Variants in DOK6 observed in about 807,000 individuals in gnomAD.
DOK6 encodes the protein docking protein 6.
Under a neutral mutation model 44.0 loss-of-function variants are expected in DOK6, and 22 were observed. The observed-to-expected ratio is 0.50, with a 90% confidence interval of 0.36 to 0.71. The LOEUF (loss-of-function observed/expected upper bound fraction) is 0.71, where lower values mean the gene tolerates loss of function less well. Ranked by LOEUF, DOK6 falls within the 30% of genes least tolerant of loss-of-function variation. The probability of loss-of-function intolerance (pLI) is 0.00; values close to 1 mark genes in which losing one functional copy is unlikely to be tolerated. For synonymous variants in DOK6, 166 were observed against 145.5 expected, an observed-to-expected ratio of 1.14 and a Z score of -1.01; for missense variants, 340 against 416.4, an observed-to-expected ratio of 0.82 and a Z score of 1.60.
At chr18:69,588,719 A>G (rs1983560476) in intron 2 of DOK6, among the ~76,000 whole-genome samples, 1 of 152,118 alleles carries the variant, frequency 6.6e-6, no homozygotes, top group South Asian at 2.1e-4. Context: ...GGTAAGAGTG[A>G]AGGAATTGGA....
intron 3 of DOK6, among the ~76,000 whole-genome samples, chr18:69,610,518 A>G (rs1454891084): frequency 6.6e-6 from 1 of 152,234 alleles, no homozygotes; most frequent in African/African-American, 2.4e-5. Context: ...TGCAATCACT[A>G]GAAAGAATTC....
At chr18:69,729,197 A>G (rs1314124814) in intron 5 of DOK6, among the ~76,000 whole-genome samples, 1 of 152,236 alleles carries the variant, frequency 6.6e-6, no homozygotes, top group East Asian at 1.9e-4. Context: ...ACAGACATAC[A>G]TACACATACA....
rs113064697 is a variant in DOK6 at position 69,712,213 on chromosome 18, A to G, written c.599+13620A>G. Among the ~76,000 whole-genome samples, 708 of 130,724 alleles carry G rather than the reference A, an allele frequency of 5.4e-3. 4 individuals are homozygous for G. The highest frequency in any genetic ancestry group is 0.017 in the African/African-American group (609 of 35,166). The allele number at this position is 130,724 out of a possible 152,430, so 85.8% of individuals were successfully genotyped here. On this transcript the variant is annotated intron_variant, in intron 5 of 7. Coordinates refer to ENST00000382713, the MANE Select transcript of DOK6 (RefSeq NM_152721.6). ...GGAGAATGGCGTGAATCCGGGAGGC[A>G]GAGCTTGCAGTGAGCCGAGATCCCG...
At chr18:69,636,913 G>A (rs562432200) in intron 3 of DOK6, among the ~76,000 whole-genome samples, 1 of 152,344 alleles carries the variant, frequency 6.6e-6, no homozygotes, top group East Asian at 1.9e-4. Context: ...TGGGAAGTGA[G>A]GGTCTAAGTA....
chr18:69,498,478 CA>C (rs1980957095), intron 1 of DOK6, among the ~76,000 whole-genome samples: 1 of 151,890 alleles, frequency 6.6e-6, no homozygotes, highest in Admixed American at 6.6e-5. Context: ...TAAGGAATAC[CA>C]AATGATATTT....
intron 6 of DOK6, among the ~76,000 whole-genome samples, chr18:69,754,351 C>CAAAAA (rs34141961): frequency 2.2e-4 from 27 of 121,438 alleles, no homozygotes; most frequent in African/African-American, 8.4e-4. Context: ...ACCCTATCTC[C>CAAAAA]AAAAAAAAAA....
At chr18:69,602,273 C>T (rs1983891098) in intron 3 of DOK6, among the ~76,000 whole-genome samples, 1 of 152,130 alleles carries the variant, frequency 6.6e-6, no homozygotes, top group Non-Finnish European at 1.5e-5. Flanking sequence ...TAGACTCTAC[C>T]CTTGATATGA....
In DOK6 at chr18:69,844,361, C is replaced by G. The variant is rs78242476; in HGVS notation, c.*2978C>G. On this transcript the variant is annotated 3_prime_UTR_variant, in exon 8 of 8. Coordinates refer to ENST00000382713, the MANE Select transcript of DOK6 (RefSeq NM_152721.6). ...AGAGACCAATGATAAAGGAACCCAA[C>G]GTAAGGAATAGCAGTTCTGAAAATA... 1 of 152,044 alleles carries G rather than the reference C, an allele frequency of 6.6e-6. No homozygotes were observed. Among genetic ancestry groups the G allele is most frequent in the South Asian group, 2.1e-4 (1 of 4,828 alleles). The allele number at this position is 152,044 out of a possible 1,614,324, so 9.4% of individuals were successfully genotyped here.
intron 7 of DOK6, among the ~76,000 whole-genome samples, chr18:69,826,465 G>T (rs1365525884): frequency 6.6e-6 from 1 of 152,060 alleles, no homozygotes; most frequent in South Asian, 2.1e-4. Context: ...CTAATAAGGG[G>T]TTAAGATGAC....
intron 1 of DOK6, among the ~76,000 whole-genome samples, chr18:69,458,409 G>T (rs1032932417): frequency 6.6e-6 from 1 of 152,056 alleles, no homozygotes; most frequent in Non-Finnish European, 1.5e-5. Context: ...AATAATAACA[G>T]CCTTGTATGA....
chr18:69,425,760 A>T (rs1457121227), intron 1 of DOK6, among the ~76,000 whole-genome samples: 1 of 152,124 alleles, frequency 6.6e-6, no homozygotes, highest in Non-Finnish European at 1.5e-5. Flanking sequence ...AAACTGGTAA[A>T]CATATGCTTA....
intron 3 of DOK6, among the ~76,000 whole-genome samples, chr18:69,644,405 A>T (rs1299065808): frequency 6.6e-6 from 1 of 151,970 alleles, no homozygotes; most frequent in Non-Finnish European, 1.5e-5. Flanking sequence ...TTTGCTCTTA[A>T]GTTTATGATC....
intron 7 of DOK6, among the ~76,000 whole-genome samples, chr18:69,798,292 T>G (rs537536551): frequency 2.6e-5 from 4 of 152,226 alleles, no homozygotes; most frequent in African/African-American, 9.6e-5. Context: ...GGAAGAAGTC[T>G]ATGATAAAGA....
At chr18:69,441,505 A>G (rs1193494235) in intron 1 of DOK6, among the ~76,000 whole-genome samples, 1 of 152,184 alleles carries the variant, frequency 6.6e-6, no homozygotes, top group East Asian at 1.9e-4. Context: ...CTTATTTTGA[A>G]GTATATTTTT....
intron 1 of DOK6, among the ~76,000 whole-genome samples, chr18:69,528,163 A>C (rs4287675): frequency 0.29 from 22,654 of 78,174 alleles, 736 homozygotes; most frequent in African/African-American, 0.36. Context: ...ACTCTGTCTC[A>C]AAAAAAAAAA....
chr18:69,537,365 A>G (rs1332447773), intron 1 of DOK6, among the ~76,000 whole-genome samples: 1 of 152,014 alleles, frequency 6.6e-6, no homozygotes, highest in Non-Finnish European at 1.5e-5. Flanking sequence ...GTCTCAGTGC[A>G]CACTGAGAAT....
At chr18:69,421,493 T>C (rs1487230096) in intron 1 of DOK6, among the ~76,000 whole-genome samples, 1 of 152,204 alleles carries the variant, frequency 6.6e-6, no homozygotes, top group East Asian at 1.9e-4. Context: ...CATAGGGTTA[T>C]TGCAAGACGT....
chr18:69,772,917 A>G (rs1022770211), intron 7 of DOK6, among the ~76,000 whole-genome samples: 7 of 152,028 alleles, frequency 4.6e-5, no homozygotes, highest in Non-Finnish European at 1.0e-4. Flanking sequence ...TGTGGAATGG[A>G]AGAAAATATT....
intron 3 of DOK6, chr18:69,659,811 C>CT (rs1370091319): frequency 8.3e-5 from 10 of 120,860 alleles, no homozygotes; most frequent in East Asian, 5.0e-4. Context: ...TTTTTTTCTG[C>CT]TTTTTTTTTG....
Sources: gnomAD v4.1 joint callset for allele counts (sites outside exome capture counted in the v4.1 genomes callset) on GRCh38, gnomAD v4.1.1 for gene constraint, MANE v1.5 for transcripts, NCBI Gene and HGNC (gene_info 2026-07-23, HGNC 2026-07-21) for gene names.